The following ZNF804A variants were observed in gnomAD, a reference collection of about 807,000 sequenced individuals.
ZNF804A encodes zinc finger protein 804A.
A neutral mutation model predicts 16.5 loss-of-function variants in ZNF804A; 2 were observed. The observed-to-expected ratio is 0.12, with a 90% confidence interval of 0.05 to 0.38. ZNF804A has a LOEUF of 0.38. Ranked by LOEUF, ZNF804A falls within the 10% of genes least tolerant of loss-of-function variation. The pLI is 0.99. For missense variants in ZNF804A, 1,473 were observed against 1,390.7 expected (o/e 1.06, Z -0.94); for synonymous variants, 534 against 489.6 (o/e 1.09, Z -1.20).
At chr2:184,857,423 T>G (rs1190124967) in intron 1 of ZNF804A, among the ~76,000 whole-genome samples, 1 of 152,142 alleles carries the variant, frequency 6.6e-6, no homozygotes, top group African/African-American at 2.4e-5. Context: ...GAATGTCCCA[T>G]GTACACTTGA....
intron 1 of ZNF804A, among the ~76,000 whole-genome samples, chr2:184,730,488 C>G (rs963267379): frequency 6.6e-6 from 1 of 152,180 alleles, no homozygotes; most frequent in African/African-American, 2.4e-5. Flanking sequence ...TAGCATCATA[C>G]AGAGTAATTT....
chr2:184,623,998 A>T (rs913830824), intron 1 of ZNF804A, among the ~76,000 whole-genome samples: 4 of 152,172 alleles, frequency 2.6e-5, no homozygotes, highest in African/African-American at 9.6e-5. Flanking sequence ...ACAATTAGTC[A>T]GGGGGACTAA....
intron 1 of ZNF804A, among the ~76,000 whole-genome samples, chr2:184,723,690 A>G (rs1028291705): frequency 6.6e-6 from 1 of 151,688 alleles, no homozygotes; most frequent in Non-Finnish European, 1.5e-5. Context: ...TTCAGTCTAT[A>G]TATTGGTCTG....
chr2:184,787,556 G>A (rs1694467691), intron 1 of ZNF804A, among the ~76,000 whole-genome samples: 2 of 151,736 alleles, frequency 1.3e-5, no homozygotes, highest in South Asian at 2.1e-4. Flanking sequence ...CATCTGGCTG[G>A]TGTAATATAT....
rs981875142 is a variant in ZNF804A at position 184,671,918 on chromosome 2, G to A, written c.111+72848G>A. ...AAAATAATGCATCATTCATTGCTAAGTGCTTTGAGCAGGGGTAGAGTAAAT... is the reference window on the plus strand; with the variant it reads ...AAAATAATGCATCATTCATTGCTAAATGCTTTGAGCAGGGGTAGAGTAAAT... On this transcript the variant is annotated intron_variant, in intron 1 of 3. Coordinates refer to ENST00000302277, the MANE Select transcript of ZNF804A (RefSeq NM_194250.2). 5.9e-5 allele frequency among the ~76,000 whole-genome samples: 9 copies of A among 152,194 alleles called. No homozygotes were observed. In the South Asian group the frequency reaches 1.9e-3, roughly 31 times the overall value.
At chr2:184,853,898 C>G (rs933519343) in intron 1 of ZNF804A, among the ~76,000 whole-genome samples, 1 of 139,658 alleles carries the variant, frequency 7.2e-6, no homozygotes, top group Non-Finnish European at 1.5e-5. Flanking sequence ...GTATCCTTGT[C>G]TGATTTTCAT....
intron 2 of ZNF804A, among the ~76,000 whole-genome samples, chr2:184,919,640 A>T (rs1432045814): frequency 6.6e-6 from 1 of 152,158 alleles, no homozygotes; most frequent in Non-Finnish European, 1.5e-5. Flanking sequence ...CAATTTTTAA[A>T]TCATGTTTCT....
At chr2:184,932,808 T>C (rs964784120) in intron 2 of ZNF804A, among the ~76,000 whole-genome samples, 1 of 152,160 alleles carries the variant, frequency 6.6e-6, no homozygotes, top group Non-Finnish European at 1.5e-5. Context: ...CACACACGGC[T>C]ATTTATCAAT....
At chr2:184,790,423 T>C (rs1342825085) in intron 1 of ZNF804A, among the ~76,000 whole-genome samples, 1 of 152,060 alleles carries the variant, frequency 6.6e-6, no homozygotes, top group East Asian at 1.9e-4. Flanking sequence ...AATGTCTCTA[T>C]TGATATCAGT....
At chr2:184,804,998 G>A (rs1438034692) in intron 1 of ZNF804A, among the ~76,000 whole-genome samples, 3 of 152,108 alleles carry the variant, frequency 2.0e-5, no homozygotes, top group Non-Finnish European at 4.4e-5. Context: ...TATGGGACAG[G>A]CTACAGAGGT....
intron 1 of ZNF804A, among the ~76,000 whole-genome samples, chr2:184,692,900 G>T (rs556046395): frequency 6.9e-4 from 105 of 152,150 alleles, no homozygotes; most frequent in African/African-American, 2.4e-3. Flanking sequence ...AAAATACATA[G>T]CTATCACCTT....
At chr2:184,816,707 C>T (rs1045646518) in intron 1 of ZNF804A, among the ~76,000 whole-genome samples, 1 of 152,048 alleles carries the variant, frequency 6.6e-6, no homozygotes, top group Non-Finnish European at 1.5e-5. Context: ...CTTGCTAAAC[C>T]TTTGAAAGTG....
chr2:184,635,442 T>C (rs1332598086), intron 1 of ZNF804A, among the ~76,000 whole-genome samples: 1 of 152,144 alleles, frequency 6.6e-6, no homozygotes, highest in Non-Finnish European at 1.5e-5. Flanking sequence ...TCAACTTGCA[T>C]AGACAGTCAG....
chr2:184,786,349 A>G (rs1021709253), intron 1 of ZNF804A, among the ~76,000 whole-genome samples: 2 of 151,986 alleles, frequency 1.3e-5, no homozygotes, highest in Non-Finnish European at 2.9e-5. Context: ...CAATTCCCTA[A>G]TAACTTTTTT....
rs971153125 is a variant in ZNF804A, at chr2:184,881,648, GT to G, written c.255+15145del. Among the ~76,000 whole-genome samples the G allele has an allele frequency of 2.0e-4, 30 of 151,304 alleles. No individual in the cohort carries two copies. The East Asian group carries it at 2.1e-3, about 11-fold the overall frequency. ...TTCTTAAAGAAAAGAATTACTAAGA[GT>G]TTTTTTTTCTTTATTAGTCTAGCTA... On this transcript the variant is annotated intron_variant, in intron 2 of 3. Transcript: ENST00000302277.
intron 1 of ZNF804A, among the ~76,000 whole-genome samples, chr2:184,847,688 C>T (rs1401956902): frequency 6.6e-6 from 1 of 152,016 alleles, no homozygotes; most frequent in Non-Finnish European, 1.5e-5. Context: ...TCAGACTCCA[C>T]AGGTTAAAGT....
chr2:184,773,006 A>G lies in ZNF804A; in HGVS notation c.112-93363A>G, dbSNP rs1017366300. ...ATGTGTGTGTGGGGTGTGTGTGTGTATATATATATACACACACAAATATAT... is the reference window on the plus strand; with the variant it reads ...ATGTGTGTGTGGGGTGTGTGTGTGTGTATATATATACACACACAAATATAT... On this transcript the variant is annotated intron_variant, in intron 1 of 3. Transcript: ENST00000302277. Among the ~76,000 whole-genome samples the G allele has an allele frequency of 8.9e-5, 13 of 146,866 alleles. No homozygotes were observed. The East Asian group carries it at 1.4e-3, about 16-fold the overall frequency.
intron 1 of ZNF804A, among the ~76,000 whole-genome samples, chr2:184,843,691 G>A (rs898536937): frequency 1.3e-5 from 2 of 152,140 alleles, no homozygotes; most frequent in South Asian, 2.1e-4. Context: ...GCATAGACAA[G>A]CTTTTTCTAC....
chr2:184,872,353 A>C (rs1331569716), intron 2 of ZNF804A, among the ~76,000 whole-genome samples: 1 of 152,118 alleles, frequency 6.6e-6, no homozygotes, highest in Non-Finnish European at 1.5e-5. Flanking sequence ...ACAAATGAAC[A>C]ACAAAATAGG....
Sources: allele counts gnomAD v4.1 joint callset (sites outside exome capture counted in the v4.1 genomes callset), GRCh38; gene constraint gnomAD v4.1.1; transcripts MANE v1.5; gene names NCBI Gene and HGNC (gene_info 2026-07-23, HGNC 2026-07-21).